HMCN1: variants seen among roughly 807,000 people sequenced by gnomAD.
The protein encoded by HMCN1 is hemicentin-1.
Under a neutral mutation model 625.9 loss-of-function variants are expected in HMCN1, and 321 were observed. The observed-to-expected ratio is 0.51, with a 90% CI of 0.47 to 0.56. The LOEUF is 0.56. HMCN1 is among the 20% of genes least tolerant of loss of function. The pLI is 0.00. For missense variants in HMCN1, 6,588 were observed against 6,887.3 expected (o/e 0.96, Z 1.54); for synonymous variants, 2,425 against 2,417.6 (o/e 1.00, Z -0.09).
intron 20 of HMCN1, among the ~76,000 whole-genome samples, chr1:185,988,364 C>G (rs1441903863): frequency 1.3e-5 from 2 of 152,162 alleles, no homozygotes; most frequent in African/African-American, 4.8e-5. Flanking sequence ...TGAATTTGAA[C>G]CCAGCAAATA....
intron 1 of HMCN1, among the ~76,000 whole-genome samples, chr1:185,753,321 T>G (rs1654935491): frequency 6.6e-6 from 1 of 152,092 alleles, no homozygotes; most frequent in Non-Finnish European, 1.5e-5. Context: ...TGCCAATGGC[T>G]CAGTTTTCAT....
chr1:185,978,984 G>A (rs1224637454), intron 16 of HMCN1, among the ~76,000 whole-genome samples: 1 of 152,092 alleles, frequency 6.6e-6, no homozygotes, highest in East Asian at 1.9e-4. Context: ...TCTGGCCCAA[G>A]TTTATTAACA....
intron 29 of HMCN1, among the ~76,000 whole-genome samples, chr1:186,004,176 T>A (rs1181916790): frequency 6.6e-6 from 1 of 152,156 alleles, no homozygotes; most frequent in Non-Finnish European, 1.5e-5. Context: ...AACTGTCTTA[T>A]TAAAAAGGAA....
At position 186,065,242 on chromosome 1, in the gene HMCN1, T is replaced by C; in HGVS notation, c.7518T>C (p.Asn2506=). The change falls in exon 49 of 107, where the codon AAT becomes AAC. Residue 2506 remains asparagine (N), a synonymous_variant. Transcript: ENST00000271588. ...CTCAGAAATGGATTTTTACAGGGAA[T>C]CCAGTGCCAGAAATTACATGGCACA... The part of the protein sequence containing the change: ...SVTLTCEVTG[N]PVPEITWHKD... 2 of 1,611,428 alleles carry C rather than the reference T, an allele frequency of 1.2e-6. No homozygotes were observed. The highest frequency in any genetic ancestry group is 1.7e-6 in the Non-Finnish European group (2 of 1,179,460).
chr1:185,923,759 T>A (rs1166340325), intron 8 of HMCN1, 106 bp downstream of exon 8: 3 of 925,878 alleles, frequency 3.2e-6, no homozygotes, highest in Non-Finnish European at 5.1e-6. Flanking sequence ...GTCTTCATAT[T>A]ATTACTGCAT....
chr1:186,084,665 C>T (rs1389886675), intron 57 of HMCN1, among the ~76,000 whole-genome samples: 1 of 152,018 alleles, frequency 6.6e-6, no homozygotes, highest in African/African-American at 2.4e-5. Context: ...ATTTCAGTCA[C>T]TTCTCTTAGC....
intron 15 of HMCN1, among the ~76,000 whole-genome samples, chr1:185,972,752 G>A (rs902294818): frequency 1.3e-5 from 2 of 152,042 alleles, no homozygotes; most frequent in Admixed American, 6.6e-5. Flanking sequence ...CATTTTTGAG[G>A]TTTGCTTGTC....
intron 6 of HMCN1, among the ~76,000 whole-genome samples, chr1:185,917,078 T>A (rs1420380088): frequency 6.6e-6 from 1 of 152,138 alleles, no homozygotes; most frequent in Non-Finnish European, 1.5e-5. Flanking sequence ...AATGATACAT[T>A]TCTCTTCCTA....
At chr1:186,180,319 T>C (rs1210274052) in intron 104 of HMCN1, among the ~76,000 whole-genome samples, 1 of 152,148 alleles carries the variant, frequency 6.6e-6, no homozygotes, top group Non-Finnish European at 1.5e-5. Context: ...CAAATAGTCA[T>C]CCCCACTAGA....
intron 48 of HMCN1, 87 bp from the exon 49 acceptor site, chr1:186,065,151 G>C: frequency 1.9e-6 from 2 of 1,026,984 alleles, no homozygotes; most frequent in Non-Finnish European, 3.0e-6. Flanking sequence ...TATGTAGGAA[G>C]ACAAATGAGT....
intron 1 of HMCN1, among the ~76,000 whole-genome samples, chr1:185,768,161 A>G: frequency 6.6e-6 from 1 of 152,196 alleles, no homozygotes; most frequent in East Asian, 1.9e-4. Context: ...ATGTCAAAAT[A>G]TTGAGAAAGA....
At chr1:186,123,783 A>G (rs1661512990) in intron 81 of HMCN1, among the ~76,000 whole-genome samples, 1 of 152,188 alleles carries the variant, frequency 6.6e-6, no homozygotes, top group Non-Finnish European at 1.5e-5. Flanking sequence ...AATCCACGTT[A>G]ATATCAGTGG....
In HMCN1 at chr1:186,171,448, T is replaced by C. The variant is rs754689045; in HGVS notation, c.15686T>C (p.Met5229Thr). The C allele has an allele frequency of 1.9e-6, 3 of 1,607,246 alleles. No homozygotes were observed. Among genetic ancestry groups the C allele is most frequent in the Non-Finnish European group, 2.6e-6 (3 of 1,173,944 alleles). Residue 5229 changes from methionine (M) to threonine (T), a missense_variant and splice_region_variant, in exon 101 of 107, where the codon ATG becomes ACG. Physicochemically the swap from Met to Thr is moderately conservative, Grantham distance 81. Transcript: ENST00000271588. The part of the protein sequence containing the change: ...PGYQLKGRKC[M>T]DVNECRQNVC... ...TATCAGCTCAAAGGCAGAAAATGCATGGGTAAGAAAAGGGCTTTGAATTTA... is the reference window on the plus strand; with the variant it reads ...TATCAGCTCAAAGGCAGAAAATGCACGGGTAAGAAAAGGGCTTTGAATTTA...
Position 186,171,425 on chromosome 1 carries a change from T to C in HMCN1, c.15663T>C (p.Tyr5221=). ...GSFHCGCEPG[Y]QLKGRKCMDV... Reference sequence around the variant, plus strand: ...TCCATTGTGGATGTGAACCTGGGTATCAGCTCAAAGGCAGAAAATGCATGG... The same window carrying C: ...TCCATTGTGGATGTGAACCTGGGTACCAGCTCAAAGGCAGAAAATGCATGG... Residue 5221 remains tyrosine (Y), a synonymous_variant, in exon 101 of 107, where the codon TAT becomes TAC. Transcript: ENST00000271588. 6.2e-7 allele frequency: 1 copy of C among 1,613,342 alleles called. No homozygotes were observed. Among genetic ancestry groups the C allele is most frequent in the Non-Finnish European group, 8.5e-7 (1 of 1,179,408 alleles).
intron 48 of HMCN1, among the ~76,000 whole-genome samples, chr1:186,063,071 T>TA (rs1657840295): frequency 2.4e-5 from 2 of 82,868 alleles, no homozygotes; most frequent in Non-Finnish European, 4.7e-5. Flanking sequence ...TGTGTGCATA[T>TA]ATATATATAT....
chr1:186,173,004 C>G (rs1652328625), intron 102 of HMCN1, among the ~76,000 whole-genome samples: 1 of 152,014 alleles, frequency 6.6e-6, no homozygotes, highest in Non-Finnish European at 1.5e-5. Flanking sequence ...AAAAGGAAAG[C>G]AAGAAAGCCT....
In HMCN1 at chr1:185,848,516, A is replaced by G. The variant is rs538923217; in HGVS notation, c.339+2420A>G. ...GCTCCTTTTTGTTTTCTCATTTTCT[A>G]TCCTCTCCTTAGGTAAAATCATCCA... On this transcript the variant is annotated intron_variant, in intron 2 of 106. Coordinates refer to ENST00000271588, the MANE Select transcript of HMCN1 (RefSeq NM_031935.3). 1.2e-3 allele frequency among the ~76,000 whole-genome samples: 186 copies of G among 151,898 alleles called. 1 individual carries two copies. Among genetic ancestry groups the G allele is most frequent in the South Asian group, 0.012 (57 of 4,816 alleles).
chr1:186,150,672 AG>A (rs1280008166), intron 93 of HMCN1, among the ~76,000 whole-genome samples: 1 of 152,148 alleles, frequency 6.6e-6, no homozygotes, highest in Non-Finnish European at 1.5e-5. Context: ...CTCATGAAGG[AG>A]GCAACAAATA....
intron 1 of HMCN1, among the ~76,000 whole-genome samples, chr1:185,826,268 G>T (rs1660504960): frequency 6.6e-6 from 1 of 152,170 alleles, no homozygotes; most frequent in East Asian, 1.9e-4. Context: ...TTTGAATGTG[G>T]TAGTTTAAAG....
Sources: gnomAD v4.1 joint callset for allele counts (sites outside exome capture counted in the v4.1 genomes callset) on GRCh38, gnomAD v4.1.1 for gene constraint, MANE v1.5 for transcripts, NCBI Gene and HGNC (gene_info 2026-07-23, HGNC 2026-07-21) for gene names.